CCBE1: variants seen among roughly 807,000 people sequenced by gnomAD.
The protein encoded by CCBE1 is collagen and calcium-binding EGF domain-containing protein 1.
Under a neutral mutation model 50.0 loss-of-function variants are expected in CCBE1, and 37 were observed. That is an observed-to-expected ratio of 0.74 (90% CI 0.57 to 0.97). The LOEUF is 0.97. Ranked by LOEUF, CCBE1 falls within the 50% of genes least tolerant of loss-of-function variation. The probability of loss-of-function intolerance (pLI) is 0.00; values close to 1 mark genes in which losing one functional copy is unlikely to be tolerated. For synonymous variants in CCBE1, 234 were observed against 203.7 expected (o/e 1.15, Z -1.27); for missense variants, 538 against 523.8 (o/e 1.03, Z -0.26).
chr18:59,460,968 T>C (rs903402183), intron 5 of CCBE1, among the ~76,000 whole-genome samples: 1 of 144,612 alleles, frequency 6.9e-6, no homozygotes, highest in African/African-American at 2.5e-5. Context: ...AATAAATAAA[T>C]AATAAAATAA....
chr18:59,558,537 T>C (rs1029269432), intron 2 of CCBE1, among the ~76,000 whole-genome samples: 1 of 152,202 alleles, frequency 6.6e-6, no homozygotes, highest in Non-Finnish European at 1.5e-5. Flanking sequence ...AGCCACAACA[T>C]GGGAGGACCA....
intron 2 of CCBE1, among the ~76,000 whole-genome samples, chr18:59,678,181 A>G (rs1404779072): frequency 1.3e-5 from 2 of 152,212 alleles, no homozygotes; most frequent in Non-Finnish European, 2.9e-5. Flanking sequence ...GGGAGGACTC[A>G]AAAACTGAAA....
At chr18:59,651,146 C>G (rs560326460) in intron 2 of CCBE1, among the ~76,000 whole-genome samples, 1 of 152,170 alleles carries the variant, frequency 6.6e-6, no homozygotes. Context: ...TGAATAGAAG[C>G]AACAAGCCTA....
At chr18:59,621,748 C>T (rs986403346) in intron 2 of CCBE1, among the ~76,000 whole-genome samples, 3 of 152,210 alleles carry the variant, frequency 2.0e-5, no homozygotes, top group African/African-American at 2.4e-5. Context: ...CCAGAGCCCT[C>T]GATGAAAGTA....
intron 2 of CCBE1, among the ~76,000 whole-genome samples, chr18:59,649,457 G>C (rs1039381546): frequency 6.6e-6 from 1 of 152,218 alleles, no homozygotes; most frequent in South Asian, 2.1e-4. Context: ...AAAGCTTTAC[G>C]TGTAATGATA....
chr18:59,539,531 C>T (rs1274795743), intron 2 of CCBE1, among the ~76,000 whole-genome samples: 1 of 150,102 alleles, frequency 6.7e-6, no homozygotes, highest in Non-Finnish European at 1.5e-5. Context: ...AAATTGCTCA[C>T]CAACAGAAAC....
chr18:59,490,447 G>GA (rs1913047413), intron 2 of CCBE1, among the ~76,000 whole-genome samples: 1 of 146,374 alleles, frequency 6.8e-6, no homozygotes, highest in African/African-American at 2.5e-5. Flanking sequence ...GATTTTGTAA[G>GA]AAAAAATAAA....
At chr18:59,634,643 A>T (rs556380566) in intron 2 of CCBE1, among the ~76,000 whole-genome samples, 32 of 152,386 alleles carry the variant, frequency 2.1e-4, no homozygotes, top group African/African-American at 7.7e-4. Context: ...TCAGATCGGC[A>T]TCTTCAAATG....
chr18:59,463,369 A>G (rs112102373), intron 5 of CCBE1, among the ~76,000 whole-genome samples: 29,565 of 152,196 alleles, frequency 0.19, 3,579 homozygotes, highest in Non-Finnish European at 0.27. Flanking sequence ...CTGGGACTCC[A>G]GGCACGTGCC....
At chr18:59,481,723 C>T (rs1912579647) in intron 2 of CCBE1, among the ~76,000 whole-genome samples, 1 of 152,046 alleles carries the variant, frequency 6.6e-6, no homozygotes, top group Non-Finnish European at 1.5e-5. Context: ...GTGAAAATAT[C>T]CTTCAAGAAT....
chr18:59,629,821 G>A (rs2053829022), intron 2 of CCBE1, among the ~76,000 whole-genome samples: 1 of 152,158 alleles, frequency 6.6e-6, no homozygotes, highest in African/African-American at 2.4e-5. Context: ...GTGGGCCGGT[G>A]CCTTCAGGGG....
intron 4 of CCBE1, among the ~76,000 whole-genome samples, chr18:59,467,361 A>G (rs1911799577): frequency 6.6e-6 from 1 of 152,182 alleles, no homozygotes; most frequent in African/African-American, 2.4e-5. Context: ...AAACAGCATG[A>G]CGATGACCCC....
intron 2 of CCBE1, among the ~76,000 whole-genome samples, chr18:59,581,274 C>G (rs1218077704): frequency 6.6e-6 from 1 of 151,996 alleles, no homozygotes; most frequent in African/African-American, 2.4e-5. Flanking sequence ...AACCCCATCT[C>G]TACTAAAAAT....
chr18:59,697,514 A>C, upstream of CCBE1: 1 of 852,888 alleles, frequency 1.2e-6, no homozygotes, highest in Non-Finnish European at 1.8e-6. Context: ...GCTGGGGGGA[A>C]AATGAGGCTA....
At chr18:59,549,045 G>A (rs1915817221) in intron 2 of CCBE1, among the ~76,000 whole-genome samples, 1 of 145,872 alleles carries the variant, frequency 6.9e-6, no homozygotes, top group Non-Finnish European at 1.5e-5. Context: ...AGAGGTTGCA[G>A]TGAGCCAAGA....
In CCBE1 at chr18:59,465,170, G is replaced by A. The variant is rs537717795; in HGVS notation, c.553+1569C>T. On this transcript the variant is annotated intron_variant, in intron 5 of 10. Transcript: ENST00000439986. ...TTCAAAGTTCACCCTTGCTAGAAAG[G>A]CCCTTGACATGTAGGCTAAAATCCT... Among the ~76,000 whole-genome samples the A allele has an allele frequency of 5.9e-5, 9 of 152,298 alleles. No individual in the cohort carries two copies. In the South Asian group the frequency reaches 1.0e-3, roughly 18 times the overall value.
intron 2 of CCBE1, among the ~76,000 whole-genome samples, chr18:59,574,366 TA>T (rs2144493595): frequency 1.3e-5 from 2 of 152,328 alleles, no homozygotes; most frequent in African/African-American, 4.8e-5. Context: ...AGTTGTACCA[TA>T]AAACATCTTA....
At chr18:59,438,573 C>T (rs139221955) in intron 9 of CCBE1, among the ~76,000 whole-genome samples, 6 of 152,178 alleles carry the variant, frequency 3.9e-5, no homozygotes, top group Admixed American at 1.3e-4. Flanking sequence ...AAAGCTATCC[C>T]GTAAAGCAAC....
intron 5 of CCBE1, among the ~76,000 whole-genome samples, chr18:59,459,308 C>G (rs4458110): frequency 6.6e-6 from 1 of 152,192 alleles, no homozygotes; most frequent in Non-Finnish European, 1.5e-5. Context: ...ATAAAACCTA[C>G]TCTGATGACG....
Sources: allele counts gnomAD v4.1 joint callset (sites outside exome capture counted in the v4.1 genomes callset), GRCh38; gene constraint gnomAD v4.1.1; transcripts MANE v1.5; gene names NCBI Gene and HGNC (gene_info 2026-07-23, HGNC 2026-07-21).